The following SIRT2 variants were observed in gnomAD, a reference collection of about 807,000 sequenced individuals.
SIRT2 encodes the protein sirtuin 2.
SIRT2 carries 40 observed loss-of-function variants against 57.4 expected under a neutral mutation model. The ratio of observed to expected loss-of-function variants is 0.70; its 90% CI spans 0.54 to 0.91. The LOEUF is 0.91. Among genes scored for constraint, SIRT2 ranks in the 40% least tolerant of loss-of-function variants. The pLI, the probability that SIRT2 is intolerant of heterozygous loss-of-function variation, is 0.00. For missense variants in SIRT2, 439 were observed against 510.4 expected (o/e 0.86, Z 1.35); for synonymous variants, 161 against 195.7 (o/e 0.82, Z 1.48).
In SIRT2 at chr19:38,881,549, G is replaced by C. The variant is rs1973155982; in HGVS notation, c.632-58C>G. Reference sequence around the variant, plus strand: ...AGTAAGAGGATCTGGGCCGGAGTCTGGAGGTGCAGCACCCCCACCCCTCTT... The same window carrying C: ...AGTAAGAGGATCTGGGCCGGAGTCTCGAGGTGCAGCACCCCCACCCCTCTT... On this transcript the variant is annotated intron_variant, in intron 9 of 15. Coordinates refer to ENST00000249396, the MANE Select transcript of SIRT2 (RefSeq NM_012237.4). 4 of 1,437,356 alleles carry C rather than the reference G, an allele frequency of 2.8e-6. No individual in the cohort carries two copies. In the Admixed American group the frequency reaches 6.8e-5, roughly 24 times the overall value. 89.0% of individuals were successfully genotyped at this position (1,437,356 alleles called of 1,614,324 possible).
intron 8 of SIRT2, among the ~76,000 whole-genome samples, chr19:38,887,846 G>C (rs987157473): frequency 3.3e-5 from 5 of 152,062 alleles, no homozygotes; most frequent in African/African-American, 1.2e-4. Context: ...TACAACCTCT[G>C]CCTCCCAGGT....
chr19:38,893,350 G>C (rs1973604708), intron 4 of SIRT2, 64 bp downstream of exon 4: 2 of 967,140 alleles, frequency 2.1e-6, no homozygotes, highest in Non-Finnish European at 3.4e-6. Context: ...CAAGTGGCTG[G>C]GGATGGGAGG....
intron 7 of SIRT2, chr19:38,889,357 G>C (rs1973447749): frequency 1.4e-6 from 1 of 718,462 alleles, no homozygotes; most frequent in African/African-American, 1.7e-5. Flanking sequence ...TGTTGCCAAA[G>C]TCACACGGTG....
intron 8 of SIRT2, among the ~76,000 whole-genome samples, chr19:38,887,272 T>C (rs1663672392): frequency 6.6e-6 from 1 of 152,120 alleles, no homozygotes; most frequent in South Asian, 2.1e-4. Context: ...CTCCCTGCTG[T>C]AGGGAATCAA....
intron 2 of SIRT2, among the ~76,000 whole-genome samples, chr19:38,896,636 C>T (rs1340717370): frequency 1.3e-5 from 2 of 152,206 alleles, no homozygotes; most frequent in African/African-American, 4.8e-5. Flanking sequence ...GACAATGCTG[C>T]ATTTTACATC....
intron 7 of SIRT2, 49 bp from the exon 8 acceptor site, chr19:38,889,204 A>AG: frequency 6.5e-7 from 1 of 1,538,358 alleles, no homozygotes. Context: ...GAACAGCCAC[A>AG]GGCCACTGCC....
intron 1 of SIRT2, among the ~76,000 whole-genome samples, chr19:38,899,220 G>C (rs1472940491): frequency 6.6e-6 from 1 of 152,072 alleles, no homozygotes; most frequent in African/African-American, 2.4e-5. Flanking sequence ...CGGGACCGGG[G>C]CAACTTATGT....
At chr19:38,889,185 G>T in intron 7 of SIRT2, 30 bp from the exon 8 acceptor site, 1 of 1,601,864 alleles carries the variant, frequency 6.2e-7, no homozygotes, top group South Asian at 1.1e-5. Flanking sequence ...CACTGCTGAC[G>T]ACTGCAGGGA....
chr19:38,895,318 C>T (rs550085155), intron 2 of SIRT2, among the ~76,000 whole-genome samples: 2 of 152,322 alleles, frequency 1.3e-5, no homozygotes, highest in Admixed American at 1.3e-4. Flanking sequence ...AAAGGCCCTT[C>T]TCTCTGGCTT....
intron 9 of SIRT2, 110 bp downstream of exon 9, chr19:38,883,517 A>G: frequency 7.0e-7 from 1 of 1,425,512 alleles, no homozygotes; most frequent in Non-Finnish European, 9.5e-7. Flanking sequence ...AAACAAACAA[A>G]ACAAAAAAAC....
At chr19:38,893,768 T>C in intron 3 of SIRT2, 51 bp downstream of exon 3, 1 of 1,601,318 alleles carries the variant, frequency 6.2e-7, no homozygotes, top group East Asian at 2.2e-5. Flanking sequence ...TGCCCTGAAA[T>C]CCCCCCGCCC....
chr19:38,896,712 C>T (rs1266253140), intron 2 of SIRT2, among the ~76,000 whole-genome samples: 1 of 152,164 alleles, frequency 6.6e-6, no homozygotes, highest in Non-Finnish European at 1.5e-5. Flanking sequence ...TGACAGTGGT[C>T]GTGCTTTGGG....
Position 38,899,501 on chromosome 19 carries a change from C to G in SIRT2, c.16+5G>C. The G allele has an allele frequency of 6.2e-7, 1 of 1,613,520 alleles. No individual in the cohort carries two copies. The highest frequency in any genetic ancestry group is 2.2e-5 in the East Asian group (1 of 44,870). On this transcript the variant is annotated splice_donor_5th_base_variant and intron_variant, in intron 1 of 15. Transcript: ENST00000249396. ...CCGACCCTCCTACCCGGATCCCCGA[C>G]TCACGGTCTGGCTCTGCCATGGGCG...
At chr19:38,889,800 C>T in intron 6 of SIRT2, 55 bp from the exon 7 acceptor site, 1 of 1,612,692 alleles carries the variant, frequency 6.2e-7, no homozygotes, top group South Asian at 1.1e-5. Context: ...AGGGTTGGAG[C>T]CAGGTGACCC....
intron 4 of SIRT2, 25 bp from the exon 5 acceptor site, chr19:38,890,169 A>G (rs1281032244): frequency 2.5e-6 from 4 of 1,613,888 alleles, no homozygotes; most frequent in Non-Finnish European, 3.4e-6. Context: ...CTTATGCACC[A>G]TATGACACCG....
At chr19:38,898,019 G>A (rs987036717) in intron 2 of SIRT2, among the ~76,000 whole-genome samples, 1 of 152,190 alleles carries the variant, frequency 6.6e-6, no homozygotes, top group Non-Finnish European at 1.5e-5. Flanking sequence ...AGTTACTTTC[G>A]TCATCACGCT....
intron 8 of SIRT2, among the ~76,000 whole-genome samples, chr19:38,885,936 A>G (rs1967395968): frequency 6.6e-6 from 1 of 152,016 alleles, no homozygotes; most frequent in Admixed American, 6.6e-5. Flanking sequence ...AACAGGTGGG[A>G]ATGTTCTTTT....
At chr19:38,889,639 G>T in intron 7 of SIRT2, 50 bp downstream of exon 7, 1 of 1,602,882 alleles carries the variant, frequency 6.2e-7, no homozygotes, top group South Asian at 1.1e-5. Flanking sequence ...TCTCATGCGT[G>T]CCCTCCCCCA....
chr19:38,885,779 C>T (rs1486326087), intron 8 of SIRT2, among the ~76,000 whole-genome samples: 6 of 151,838 alleles, frequency 4.0e-5, no homozygotes, highest in South Asian at 2.1e-4. Flanking sequence ...TTAGTAGAGA[C>T]GGGGTTTCAC....
Sources: gnomAD v4.1 joint callset for allele counts (sites outside exome capture counted in the v4.1 genomes callset) on GRCh38, gnomAD v4.1.1 for gene constraint, MANE v1.5 for transcripts, NCBI Gene and HGNC (gene_info 2026-07-23, HGNC 2026-07-21) for gene names.